TWIST2: variants seen among roughly 807,000 people sequenced by gnomAD.
TWIST2 encodes the protein twist-related protein 2.
Under a neutral mutation model 11.6 loss-of-function variants are expected in TWIST2, and 1 was observed. The ratio of observed to expected loss-of-function variants is 0.09; its 90% CI spans 0.03 to 0.41. The LOEUF is 0.41. Ranked by LOEUF, TWIST2 falls within the 10% of genes least tolerant of loss-of-function variation. The pLI is 0.98. For synonymous variants in TWIST2, 87 were observed against 96.6 expected, an observed-to-expected ratio of 0.90 and a Z score of 0.58; for missense variants, 168 against 226.4, an observed-to-expected ratio of 0.74 and a Z score of 1.66.
chr2:238,854,800 C>T (rs571157071), intron 1 of TWIST2, among the ~76,000 whole-genome samples: 2 of 152,198 alleles, frequency 1.3e-5, no homozygotes, highest in Admixed American at 1.3e-4. Flanking sequence ...AAGGAAAGCA[C>T]AGGCCAGTCA....
At chr2:238,868,536 A>G (rs1269331364) in intron 1 of TWIST2, among the ~76,000 whole-genome samples, 1 of 152,142 alleles carries the variant, frequency 6.6e-6, no homozygotes, top group Non-Finnish European at 1.5e-5. Flanking sequence ...CCACGTCCCT[A>G]CATCATTCTA....
chr2:238,857,857 A>T (rs1692358830), intron 1 of TWIST2, among the ~76,000 whole-genome samples: 1 of 152,148 alleles, frequency 6.6e-6, no homozygotes, highest in African/African-American at 2.4e-5. Flanking sequence ...GAATCACTTG[A>T]ACCCAGGAGG....
chr2:238,853,447 T>C (rs879658433), intron 1 of TWIST2, among the ~76,000 whole-genome samples: 3 of 60,682 alleles, frequency 4.9e-5, no homozygotes, highest in Non-Finnish European at 1.0e-4. Flanking sequence ...GAGGGAGAGA[T>C]GGAGAGAGAG....
chr2:238,900,973 C>T (rs1431192345), intron 1 of TWIST2, among the ~76,000 whole-genome samples: 1 of 147,384 alleles, frequency 6.8e-6, no homozygotes, highest in African/African-American at 2.6e-5. Context: ...TATCCCTTCT[C>T]CTTCCCCCCC....
chr2:238,896,886 C>G (rs1450862546), intron 1 of TWIST2, among the ~76,000 whole-genome samples: 27 of 152,204 alleles, frequency 1.8e-4, no homozygotes, highest in Admixed American at 1.6e-3. Flanking sequence ...AGCCCACAGA[C>G]AGAGACAAGG....
At chr2:238,857,978 T>C (rs149346792) in intron 1 of TWIST2, among the ~76,000 whole-genome samples, 47,673 of 151,978 alleles carry the variant, frequency 0.31, 7,928 homozygotes, top group Middle Eastern at 0.44. Flanking sequence ...CACCATTACA[T>C]TGGGCAGATG....
In TWIST2 at chr2:238,892,572, C is replaced by G. The variant is rs527815455; in HGVS notation, c.*36-17270C>G. Among the ~76,000 whole-genome samples the G allele has an allele frequency of 1.4e-3, 212 of 152,216 alleles. 1 individual carries two copies. The highest frequency in any genetic ancestry group is 2.6e-3 in the Non-Finnish European group (177 of 68,004). On this transcript the variant is annotated intron_variant, in intron 1 of 1. Coordinates refer to ENST00000612363, the MANE Select transcript of TWIST2 (RefSeq NM_001271893.4). ...CTCGGCTCACTGCAACCTCCGCCTC[C>G]CAGATTCAAGCAATTCTCCTGCCTC...
chr2:238,904,790 A>G (rs912486141), intron 1 of TWIST2, among the ~76,000 whole-genome samples: 1 of 152,056 alleles, frequency 6.6e-6, no homozygotes, highest in African/African-American at 2.4e-5. Context: ...GGGAGGAAAG[A>G]AAGAAGGGAG....
intron 1 of TWIST2, among the ~76,000 whole-genome samples, chr2:238,874,398 A>G (rs1019107272): frequency 6.6e-6 from 1 of 152,146 alleles, no homozygotes; most frequent in African/African-American, 2.4e-5. Flanking sequence ...AAAATGTCCA[A>G]TTTAGTTACT....
intron 1 of TWIST2, among the ~76,000 whole-genome samples, chr2:238,890,102 G>T (rs1210223782): frequency 6.6e-6 from 1 of 152,220 alleles, no homozygotes; most frequent in Non-Finnish European, 1.5e-5. Context: ...GACATCCCTG[G>T]AGAGCGAGGT....
Position 238,907,158 on chromosome 2 carries a change from C to T in TWIST2, c.*36-2684C>T, listed in dbSNP as rs1030660236. 2.4e-4 allele frequency among the ~76,000 whole-genome samples: 37 copies of T among 152,310 alleles called. 1 individual carries two copies. The highest frequency in any genetic ancestry group is 1.6e-3 in the Admixed American group (25 of 15,310). ...GTGTGTGGCAGAAGCGGCCCTGAGG[C>T]GCGGCGCGGGGCCCACCTGTGTTCG... On this transcript the variant is annotated intron_variant, in intron 1 of 1. Transcript: ENST00000612363.
rs138211263 is a variant in TWIST2 at position 238,865,338 on chromosome 2, C to T, written c.*35+16605C>T. Reference sequence around the variant, plus strand: ...TTATGTCAGGGCTCTCTGCTTTAAACGACGGCGCACAGGGACCTCCCCATG... The same window carrying T: ...TTATGTCAGGGCTCTCTGCTTTAAATGACGGCGCACAGGGACCTCCCCATG... On this transcript the variant is annotated intron_variant, in intron 1 of 1. Coordinates refer to ENST00000612363, the MANE Select transcript of TWIST2 (RefSeq NM_001271893.4). Among the ~76,000 whole-genome samples, 564 of 152,308 alleles carry T rather than the reference C, an allele frequency of 3.7e-3. 2 individuals are homozygous for T. The highest frequency in any genetic ancestry group is 0.013 in the African/African-American group (528 of 41,566).
intron 1 of TWIST2, among the ~76,000 whole-genome samples, chr2:238,885,929 C>G (rs1693026732): frequency 2.0e-5 from 3 of 151,898 alleles, no homozygotes. Flanking sequence ...AAACCTATCT[C>G]TACTAAAAAT....
At chr2:238,884,627 G>A (rs1304461453) in intron 1 of TWIST2, among the ~76,000 whole-genome samples, 3 of 152,214 alleles carry the variant, frequency 2.0e-5, no homozygotes, top group Admixed American at 1.3e-4. Flanking sequence ...CAGGGGGCTG[G>A]GGCAGGCAGC....
chr2:238,884,517 C>G (rs1042360283), intron 1 of TWIST2, among the ~76,000 whole-genome samples: 1 of 152,244 alleles, frequency 6.6e-6, no homozygotes, highest in African/African-American at 2.4e-5. Flanking sequence ...GAACAAGATT[C>G]TAGGCATGGT....
chr2:238,905,978 CGCGTGTACGT>C (rs1693348125), intron 1 of TWIST2, among the ~76,000 whole-genome samples: 2 of 130,798 alleles, frequency 1.5e-5, no homozygotes, highest in African/African-American at 6.1e-5. Flanking sequence ...TGTGTGCGCG[CGCGTGTACGT>C]GCGCGTGTGT....
At chr2:238,860,460 C>A (rs1477483673) in intron 1 of TWIST2, among the ~76,000 whole-genome samples, 3 of 152,216 alleles carry the variant, frequency 2.0e-5, no homozygotes, top group Non-Finnish European at 4.4e-5. Flanking sequence ...CATCCTGTTT[C>A]TTTTTAAGAC....
chr2:238,865,907 G>A lies in TWIST2; in HGVS notation c.*35+17174G>A, dbSNP rs192672594. ...ATGAACCCTTTCCAGTCACTCCACC[G>A]TACAGTGCCCCGCCGGGGTCGGATC... On this transcript the variant is annotated intron_variant, in intron 1 of 1. Transcript: ENST00000612363. Among the ~76,000 whole-genome samples the A allele has an allele frequency of 7.9e-5, 12 of 152,242 alleles. No individual in the cohort carries two copies. In the East Asian group the frequency reaches 1.2e-3, roughly 15 times the overall value.
rs979944144 is a variant in TWIST2 at position 238,863,240 on chromosome 2, A to G, written c.*35+14507A>G. ...GTGAAAATACAGCTGCCATCCACATAGGAATGCCCTCACCGCAACCCCCAC... is the reference window on the plus strand; with the variant it reads ...GTGAAAATACAGCTGCCATCCACATGGGAATGCCCTCACCGCAACCCCCAC... On this transcript the variant is annotated intron_variant, in intron 1 of 1. Coordinates refer to ENST00000612363, the MANE Select transcript of TWIST2 (RefSeq NM_001271893.4). The surrounding 1 kb of genome is among the most constrained non-coding windows in gnomAD (Gnocchi z 4.7). Among the ~76,000 whole-genome samples, 2 of 152,188 alleles carry G rather than the reference A, an allele frequency of 1.3e-5. No homozygotes were observed. Among genetic ancestry groups the G allele is most frequent in the African/African-American group, 2.4e-5 (1 of 41,444 alleles).
Sources: allele counts gnomAD v4.1 joint callset (sites outside exome capture counted in the v4.1 genomes callset), GRCh38; gene constraint gnomAD v4.1.1; non-coding constraint Gnocchi (gnomAD v3.1); transcripts MANE v1.5; gene names NCBI Gene and HGNC (gene_info 2026-07-23, HGNC 2026-07-21).